Variants in FBXO25 observed in about 807,000 individuals in gnomAD.
FBXO25 encodes F-box protein 25.
A neutral mutation model predicts 51.9 loss-of-function variants in FBXO25; 45 were observed. That is an observed-to-expected ratio of 0.87 (90% CI 0.68 to 1.11). The LOEUF (loss-of-function observed/expected upper bound fraction) is 1.11, where lower values mean the gene tolerates loss of function less well. FBXO25 is among the 50% of genes most tolerant of loss of function. FBXO25 has a pLI of 0.00. For synonymous variants in FBXO25, 199 were observed against 151.0 expected (o/e 1.32, Z -2.33); for missense variants, 507 against 428.5 (o/e 1.18, Z -1.62).
intron 4 of FBXO25, among the ~76,000 whole-genome samples, chr8:435,038 C>T (rs2117649355): frequency 6.6e-6 from 1 of 152,272 alleles, no homozygotes; most frequent in South Asian, 2.1e-4. Flanking sequence ...TTTTCAGAAG[C>T]ACCTTCTTGC....
chr8:423,104 A>G (rs955241366), intron 2 of FBXO25, among the ~76,000 whole-genome samples: 4 of 142,946 alleles, frequency 2.8e-5, no homozygotes, highest in Middle Eastern at 3.8e-3. Flanking sequence ...TGCTGTGTTG[A>G]GATACCTCTT....
rs530542583 is a variant in FBXO25, at chr8:463,210, C to A, written c.987+60C>A. The stretch of plus-strand genomic sequence containing the variant: ...TTAAATTTTGGTGAAACAAACTAAT[C>A]ACCTATATTTTAAGTATAAGACTAA... On this transcript the variant is annotated intron_variant, in intron 9 of 9. Transcript: ENST00000350302. 7 of 1,553,986 alleles carry A rather than the reference C, an allele frequency of 4.5e-6. No homozygotes were observed. The Admixed American group carries it at 5.5e-5, about 12-fold the overall frequency.
At chr8:432,646 A>C (rs1797882725) in intron 3 of FBXO25, among the ~76,000 whole-genome samples, 1 of 152,164 alleles carries the variant, frequency 6.6e-6, no homozygotes, top group Non-Finnish European at 1.5e-5. Flanking sequence ...TTCAGTCATT[A>C]ATAATACTAA....
intron 2 of FBXO25, among the ~76,000 whole-genome samples, chr8:422,868 T>C (rs1468155121): frequency 1.3e-5 from 2 of 152,100 alleles, no homozygotes; most frequent in African/African-American, 4.8e-5. Context: ...TTCTATGGTG[T>C]CTTTATTGGG....
In FBXO25 at chr8:448,621, G is replaced by C. The variant is rs184673145; in HGVS notation, c.382-1369G>C. Among the ~76,000 whole-genome samples, 155 of 152,348 alleles carry C rather than the reference G, an allele frequency of 1.0e-3. 1 individual carries two copies. The highest frequency in any genetic ancestry group is 3.7e-3 in the African/African-American group (152 of 41,584). Reference sequence around the variant, plus strand: ...ACAGTGTCCATCGGACTGGATGTCAGTGAATCTCTGCAGCATCAGCTGTGT... The same window carrying C: ...ACAGTGTCCATCGGACTGGATGTCACTGAATCTCTGCAGCATCAGCTGTGT... On this transcript the variant is annotated intron_variant, in intron 5 of 9. Coordinates refer to ENST00000350302, the MANE Select transcript of FBXO25 (RefSeq NM_183420.2).
At chr8:408,811 T>C (rs1443358649) in intron 1 of FBXO25, among the ~76,000 whole-genome samples, 1 of 152,208 alleles carries the variant, frequency 6.6e-6, no homozygotes, top group Non-Finnish European at 1.5e-5. Context: ...AAATAGTTAA[T>C]CATTGTAGGC....
chr8:408,568 C>G (rs964697500), intron 1 of FBXO25, among the ~76,000 whole-genome samples: 1 of 152,154 alleles, frequency 6.6e-6, no homozygotes, highest in Non-Finnish European at 1.5e-5. Context: ...TTAAATGAGA[C>G]AACATATGTA....
chr8:429,652 C>A (rs1797700026), intron 2 of FBXO25, among the ~76,000 whole-genome samples: 1 of 152,186 alleles, frequency 6.6e-6, no homozygotes, highest in African/African-American at 2.4e-5. Context: ...AAACCCACAA[C>A]CAAAAAGTAA....
At chr8:431,859 G>T (rs1376645994) in intron 3 of FBXO25, among the ~76,000 whole-genome samples, 1 of 152,158 alleles carries the variant, frequency 6.6e-6, no homozygotes, top group Non-Finnish European at 1.5e-5. Context: ...ACCTATCTAT[G>T]TGAGGGCATA....
chr8:443,821 T>C (rs540369159), intron 5 of FBXO25, among the ~76,000 whole-genome samples: 7 of 152,214 alleles, frequency 4.6e-5, no homozygotes, highest in African/African-American at 1.4e-4. Flanking sequence ...ATTACATCCC[T>C]TTTTTGTAAA....
At chr8:457,266 A>G (rs764710594) in intron 7 of FBXO25, among the ~76,000 whole-genome samples, 4 of 152,158 alleles carry the variant, frequency 2.6e-5, no homozygotes, top group Non-Finnish European at 4.4e-5. Context: ...AGTGAGAATG[A>G]AGGGATTTAT....
chr8:407,935 A>G (rs1796263609), intron 1 of FBXO25, among the ~76,000 whole-genome samples: 2 of 152,164 alleles, frequency 1.3e-5, no homozygotes, highest in South Asian at 2.1e-4. Context: ...AGACTAAAGA[A>G]TCTAGAGAAC....
At chr8:422,225 C>G (rs1797200301) in intron 2 of FBXO25, among the ~76,000 whole-genome samples, 1 of 152,220 alleles carries the variant, frequency 6.6e-6, no homozygotes, top group African/African-American at 2.4e-5. Flanking sequence ...ACTGCCCCAA[C>G]CAAGAACTCA....
At chr8:422,783 G>A (rs1159051101) in intron 2 of FBXO25, among the ~76,000 whole-genome samples, 4 of 152,174 alleles carry the variant, frequency 2.6e-5, no homozygotes. Flanking sequence ...CGCAATGGTG[G>A]CTTACCTCTT....
intron 2 of FBXO25, among the ~76,000 whole-genome samples, chr8:429,841 C>T (rs1026421589): frequency 8.5e-5 from 13 of 152,246 alleles, no homozygotes; most frequent in African/African-American, 1.9e-4. Context: ...AAGAAGGTCA[C>T]CTCCACCTGT....
intron 5 of FBXO25, among the ~76,000 whole-genome samples, chr8:445,009 A>G (rs557654804): frequency 1.0e-3 from 158 of 152,328 alleles, no homozygotes; most frequent in African/African-American, 3.3e-3. Context: ...ATGTTCATTA[A>G]ATTCCCAACA....
intron 2 of FBXO25, among the ~76,000 whole-genome samples, chr8:424,216 G>C (rs1482910654): frequency 1.3e-5 from 2 of 151,476 alleles, no homozygotes; most frequent in African/African-American, 4.9e-5. Flanking sequence ...TTTTTTAATG[G>C]GGTTGTTTGT....
chr8:453,828 C>T (rs556601939), intron 7 of FBXO25, among the ~76,000 whole-genome samples: 1 of 152,286 alleles, frequency 6.6e-6, no homozygotes, highest in East Asian at 1.9e-4. Flanking sequence ...ACAAGAAATA[C>T]CTTGACACCC....
rs182679161 is a variant in FBXO25, at chr8:413,442, A to G, written c.134+229A>G. ...TAATTTAAAACATTTAATCCTCACAATAATTGGGAGAGAGGTATTATTTTT... is the reference window on the plus strand; with the variant it reads ...TAATTTAAAACATTTAATCCTCACAGTAATTGGGAGAGAGGTATTATTTTT... On this transcript the variant is annotated intron_variant, in intron 2 of 9. Transcript: ENST00000350302. Among the ~76,000 whole-genome samples, 694 of 152,202 alleles carry G rather than the reference A, an allele frequency of 4.6e-3. 10 individuals are homozygous for G. The highest frequency in any genetic ancestry group is 0.015 in the African/African-American group (638 of 41,518).
Sources: allele counts gnomAD v4.1 joint callset (sites outside exome capture counted in the v4.1 genomes callset), GRCh38; gene constraint gnomAD v4.1.1; transcripts MANE v1.5; gene names NCBI Gene and HGNC (gene_info 2026-07-23, HGNC 2026-07-21).